Variants in BTBD2 observed in about 807,000 individuals in gnomAD.
BTBD2 encodes the protein BTB domain containing 2.
A neutral mutation model predicts 44.0 loss-of-function variants in BTBD2; 15 were observed. The observed-to-expected ratio is 0.34, with a 90% confidence interval of 0.23 to 0.53. The LOEUF is 0.53. Among genes scored for constraint, BTBD2 ranks in the 20% least tolerant of loss-of-function variants. The pLI is 0.95. For missense variants in BTBD2, 657 were observed against 746.4 expected (o/e 0.88, Z 1.39); for synonymous variants, 443 against 335.9 (o/e 1.32, Z -3.49).
chr19:2,009,482 G>A (rs1169018596), intron 1 of BTBD2, among the ~76,000 whole-genome samples: 1 of 151,850 alleles, frequency 6.6e-6, no homozygotes, highest in Non-Finnish European at 1.5e-5. Context: ...ACAGGCGTGA[G>A]CCACCACACC....
Position 1,986,153 on chromosome 19 carries a change from G to A in BTBD2, c.*335C>T, listed in dbSNP as rs191050671. 11 of 350,446 alleles carry A rather than the reference G, an allele frequency of 3.1e-5. No individual in the cohort carries two copies. The highest frequency in any genetic ancestry group is 2.1e-4 in the African/African-American group (10 of 48,116). 21.7% of individuals were successfully genotyped at this position (350,446 alleles called of 1,614,324 possible). ...AAGAGACGCGAGGGACGCCCGCGGCGCACCGCCGGCAGACGACGTGGGCAG... is the reference window on the plus strand; with the variant it reads ...AAGAGACGCGAGGGACGCCCGCGGCACACCGCCGGCAGACGACGTGGGCAG... On this transcript the variant is annotated 3_prime_UTR_variant, in exon 9 of 9. Coordinates refer to ENST00000255608, the MANE Select transcript of BTBD2 (RefSeq NM_017797.4).
At chr19:1,998,006 T>C (rs1282119190) in intron 1 of BTBD2, among the ~76,000 whole-genome samples, 2 of 152,204 alleles carry the variant, frequency 1.3e-5, no homozygotes, top group Non-Finnish European at 2.9e-5. Context: ...CACTGATTCA[T>C]TCCCGTGGGC....
At chr19:2,001,015 G>A (rs1483234288) in intron 1 of BTBD2, among the ~76,000 whole-genome samples, 2 of 152,240 alleles carry the variant, frequency 1.3e-5, no homozygotes, top group Non-Finnish European at 2.9e-5. Flanking sequence ...CGGGCACAGT[G>A]GCTCACGCCT....
At chr19:1,994,986 G>C (rs539720354) in intron 2 of BTBD2, among the ~76,000 whole-genome samples, 70 of 152,108 alleles carry the variant, frequency 4.6e-4, no homozygotes, top group Non-Finnish European at 8.1e-4. Flanking sequence ...TGTTGTTGTT[G>C]AGACAGAGTC....
intron 1 of BTBD2, among the ~76,000 whole-genome samples, chr19:1,999,817 C>T (rs949994564): frequency 6.6e-6 from 1 of 151,848 alleles, no homozygotes; most frequent in African/African-American, 2.4e-5. Flanking sequence ...CAAAAATTAG[C>T]TGGGCGTGGT....
rs1367653267 is a variant in BTBD2 at position 1,986,208 on chromosome 19, GGCCC to G, written c.*276_*279del. The G allele has an allele frequency of 2.3e-6, 1 of 434,806 alleles. No individual in the cohort carries two copies. Among genetic ancestry groups the G allele is most frequent in the African/African-American group, 2.0e-5 (1 of 50,242 alleles). 26.9% of individuals were successfully genotyped at this position (434,806 alleles called of 1,614,324 possible). A position where few individuals can be genotyped will look rare whatever the true frequency, so the allele number is the denominator to read the frequency against. ...CCTGAGCTGCGGGTCCGTGGGCCCT[GGCCC>G]AGGCCGGCACAGCCCTGTCCCTAGT... On this transcript the variant is annotated 3_prime_UTR_variant, in exon 9 of 9. Coordinates refer to ENST00000255608, the MANE Select transcript of BTBD2 (RefSeq NM_017797.4).
Position 1,987,606 on chromosome 19 carries a change from A to C in BTBD2, c.1075T>G (p.Phe359Val), listed in dbSNP as rs1291803621. 2 of 1,612,390 alleles carry C rather than the reference A, an allele frequency of 1.2e-6. No individual in the cohort carries two copies. The highest frequency in any genetic ancestry group is 2.7e-5 in the African/African-American group (2 of 74,780). The stretch of plus-strand genomic sequence containing the variant: ...AGGCAGCAGCGGGGCCGGTCAATGA[A>C]CTCCACTCGTGGCTTGGGGTTGACG... ...FTVNPKPRVE[F>V]IDRPRCCLRG... Residue 359 changes from phenylalanine (F) to valine (V), a missense_variant, in exon 6 of 9, where the codon TTC (phenylalanine) becomes GTC (valine). By Grantham distance (50) the Phe-to-Val change is conservative. Transcript: ENST00000255608.
Position 2,000,889 on chromosome 19 carries a change from G to A in BTBD2, c.408-3426C>T, listed in dbSNP as rs117382766. Among the ~76,000 whole-genome samples, 672 of 152,246 alleles carry A rather than the reference G, an allele frequency of 4.4e-3. 38 individuals carry two copies. The East Asian group carries it at 0.12, about 27-fold the overall frequency. Reference sequence around the variant, plus strand: ...CTGATGCAGGACCCGGTGCAGATGCGCCTTGAAGACGTCGTGCTCTATGAC... The same window carrying A: ...CTGATGCAGGACCCGGTGCAGATGCACCTTGAAGACGTCGTGCTCTATGAC... On this transcript the variant is annotated intron_variant, in intron 1 of 8. Transcript: ENST00000255608.
chr19:2,011,340 G>A (rs2016461948), intron 1 of BTBD2, among the ~76,000 whole-genome samples: 1 of 151,920 alleles, frequency 6.6e-6, no homozygotes, highest in Non-Finnish European at 1.5e-5. Context: ...CCTGGAGTCT[G>A]CAGCTGCTAC....
intron 1 of BTBD2, among the ~76,000 whole-genome samples, chr19:2,003,809 G>C (rs1468396730): frequency 7.0e-6 from 1 of 142,386 alleles, no homozygotes; most frequent in Non-Finnish European, 1.6e-5. Context: ...GAAAAGAAAA[G>C]AAAAAGGAAT....
chr19:1,993,669 A>G (rs899239408), intron 2 of BTBD2, among the ~76,000 whole-genome samples: 1 of 152,104 alleles, frequency 6.6e-6, no homozygotes, highest in African/African-American at 2.4e-5. Flanking sequence ...CCCACACGAC[A>G]CTGAATACAG....
At chr19:1,994,273 AT>A (rs1161412856) in intron 2 of BTBD2, among the ~76,000 whole-genome samples, 4 of 150,236 alleles carry the variant, frequency 2.7e-5, no homozygotes, top group African/African-American at 7.3e-5. Flanking sequence ...CCAAGATCGT[AT>A]CACTGCACTG....
Position 1,987,901 on chromosome 19 carries a change from C to T in BTBD2, c.989-209G>A, listed in dbSNP as rs903918567. On this transcript the variant is annotated intron_variant, in intron 5 of 8. Coordinates refer to ENST00000255608, the MANE Select transcript of BTBD2 (RefSeq NM_017797.4). ...AGGTCCCAGGGCACAGACCAGAGGC[C>T]GACAGATACGCTCACTCAGGGGCGA... 84 of 572,746 alleles carry T rather than the reference C, an allele frequency of 1.5e-4. 2 individuals are homozygous for T. The highest frequency in any genetic ancestry group is 6.0e-4 in the South Asian group (27 of 45,318). The allele number at this position is 572,746 out of a possible 1,614,324, so 35.5% of individuals were successfully genotyped here. A position where few individuals can be genotyped will look rare whatever the true frequency, so the allele number is the denominator to read the frequency against.
intron 6 of BTBD2, 47 bp from the exon 7 acceptor site, chr19:1,987,300 C>G: frequency 3.1e-6 from 5 of 1,600,268 alleles, no homozygotes; most frequent in Non-Finnish European, 4.3e-6. Flanking sequence ...CAGGGATAGC[C>G]TAAGGTGAGC....
In BTBD2 at chr19:1,987,480, G is replaced by T; in HGVS notation, c.1181+20C>A. On this transcript the variant is annotated intron_variant, in intron 6 of 8. Coordinates refer to ENST00000255608, the MANE Select transcript of BTBD2 (RefSeq NM_017797.4). ...TCCACCCCCATGTCCGGACCCCCCCGCCTGCACCCCAAGCCCCACCTGATG... is the reference window on the plus strand; with the variant it reads ...TCCACCCCCATGTCCGGACCCCCCCTCCTGCACCCCAAGCCCCACCTGATG... 1.6e-6 allele frequency: 1 copy of T among 616,052 alleles called. No individual in the cohort carries two copies. The allele number at this position is 616,052 out of a possible 1,614,324, so 38.2% of individuals were successfully genotyped here.
At chr19:2,000,223 G>C (rs1050810831) in intron 1 of BTBD2, among the ~76,000 whole-genome samples, 1 of 152,092 alleles carries the variant, frequency 6.6e-6, no homozygotes, top group African/African-American at 2.4e-5. Context: ...TGGGACTGCC[G>C]CCCGCCCGTC....
chr19:2,012,254 G>A lies in BTBD2; in HGVS notation c.407+3043C>T, dbSNP rs551528543. ...TGCAACCTCCACCTCCTGGGTTCACGAGATTCTCCTGCCTCAGCCTCCTGA... is the reference window on the plus strand; with the variant it reads ...TGCAACCTCCACCTCCTGGGTTCACAAGATTCTCCTGCCTCAGCCTCCTGA... On this transcript the variant is annotated intron_variant, in intron 1 of 8. Coordinates refer to ENST00000255608, the MANE Select transcript of BTBD2 (RefSeq NM_017797.4). Among the ~76,000 whole-genome samples, 18 of 151,030 alleles carry A rather than the reference G, an allele frequency of 1.2e-4. 1 individual carries two copies. The South Asian group carries it at 2.5e-3, about 21-fold the overall frequency.
intron 1 of BTBD2, among the ~76,000 whole-genome samples, chr19:2,011,117 C>CAA (rs1234766926): frequency 5.9e-5 from 9 of 152,226 alleles, no homozygotes; most frequent in Admixed American, 3.3e-4. Flanking sequence ...CCAGGTCCCG[C>CAA]CAACACATCC....
intron 1 of BTBD2, among the ~76,000 whole-genome samples, chr19:2,009,797 C>T (rs577664711): frequency 4.3e-4 from 66 of 152,052 alleles, no homozygotes; most frequent in Non-Finnish European, 7.6e-4. Context: ...CTGCAGCATG[C>T]GGAGATCACG....
Sources: gnomAD v4.1 joint callset for allele counts (sites outside exome capture counted in the v4.1 genomes callset) on GRCh38, gnomAD v4.1.1 for gene constraint, MANE v1.5 for transcripts, NCBI Gene and HGNC (gene_info 2026-07-23, HGNC 2026-07-21) for gene names.